The following EHMT1 variants were observed in gnomAD, a reference collection of about 807,000 sequenced individuals.
EHMT1 encodes the protein histone-lysine N-methyltransferase EHMT1.
EHMT1 carries 15 observed loss-of-function variants against 147.2 expected under a neutral mutation model. The ratio of observed to expected loss-of-function variants is 0.10; its 90% CI spans 0.07 to 0.16. EHMT1 has a LOEUF of 0.16. Ranked by LOEUF, EHMT1 falls within the 10% of genes least tolerant of loss-of-function variation. The pLI is 1.00. For synonymous variants in EHMT1, 795 were observed against 709.6 expected (o/e 1.12, Z -1.91); for missense variants, 1,587 against 1,772.4 (o/e 0.90, Z 1.88).
chr9:137,717,378 G>T, intron 3 of EHMT1, 196 bp downstream of exon 3: 3 of 745,720 alleles, frequency 4.0e-6, no homozygotes, highest in Admixed American at 4.5e-5. Flanking sequence ...TGAGGCGGGT[G>T]GATTGCTTGA....
chr9:137,767,272 T>G (rs1056379333), intron 10 of EHMT1, among the ~76,000 whole-genome samples: 2 of 152,208 alleles, frequency 1.3e-5, no homozygotes, highest in Non-Finnish European at 2.9e-5. Flanking sequence ...GCTGCCACCA[T>G]GCCTGGTGGT....
At chr9:137,719,707 C>T (rs922913736) in intron 3 of EHMT1, among the ~76,000 whole-genome samples, 1 of 152,198 alleles carries the variant, frequency 6.6e-6, no homozygotes, top group East Asian at 1.9e-4. Flanking sequence ...TGGTAAAGTC[C>T]GTGGGGCTTA....
chr9:137,650,668 T>C (rs1469715688), intron 1 of EHMT1, among the ~76,000 whole-genome samples: 1 of 137,098 alleles, frequency 7.3e-6, no homozygotes, highest in African/African-American at 2.8e-5. Context: ...ACCCCCCGCT[T>C]TTTTTTTTTT....
At chr9:137,696,437 G>T (rs976707534) in intron 1 of EHMT1, among the ~76,000 whole-genome samples, 1 of 152,142 alleles carries the variant, frequency 6.6e-6, no homozygotes, top group African/African-American at 2.4e-5. Context: ...GGGAGCAAAT[G>T]GCAGATTGGA....
intron 2 of EHMT1, 109 bp downstream of exon 2, chr9:137,711,139 C>T (rs774512935): frequency 8.3e-7 from 1 of 1,199,758 alleles, no homozygotes; most frequent in African/African-American, 1.5e-5. Flanking sequence ...CTTTGCTTCA[C>T]CTAGGTTTAT....
intron 25 of EHMT1, among the ~76,000 whole-genome samples, chr9:137,820,637 C>T (rs372030601): frequency 1.1e-4 from 16 of 152,272 alleles, no homozygotes; most frequent in African/African-American, 3.6e-4. Context: ...GGTTGACAGC[C>T]GTTCTGTGTG....
intron 4 of EHMT1, among the ~76,000 whole-genome samples, chr9:137,741,974 C>A (rs1948124582): frequency 6.6e-6 from 1 of 152,114 alleles, no homozygotes; most frequent in Admixed American, 6.5e-5. Context: ...TTTAGGATTC[C>A]CAGGGCTACC....
At chr9:137,630,709 T>C (rs1843572034) in intron 1 of EHMT1, among the ~76,000 whole-genome samples, 1 of 152,140 alleles carries the variant, frequency 6.6e-6, no homozygotes, top group African/African-American at 2.4e-5. Context: ...TCTTCAGTGT[T>C]TTTGGTAGCT....
chr9:137,832,628 C>G (rs1399249159), intron 25 of EHMT1: 1 of 155,246 alleles, frequency 6.4e-6, no homozygotes, highest in African/African-American at 2.4e-5. Flanking sequence ...GCCTATCTGC[C>G]TTACTCCAGC....
intron 1 of EHMT1, among the ~76,000 whole-genome samples, chr9:137,703,371 T>C (rs1257562207): frequency 3.9e-5 from 6 of 152,182 alleles, no homozygotes; most frequent in Non-Finnish European, 5.9e-5. Context: ...CTGCAAAATT[T>C]CCAAACTTTT....
At chr9:137,712,359 A>C (rs1944820514) in intron 2 of EHMT1, among the ~76,000 whole-genome samples, 1 of 151,684 alleles carries the variant, frequency 6.6e-6, no homozygotes, top group Non-Finnish European at 1.5e-5. Context: ...CGGCCTCTCC[A>C]CCCTGGGGGA....
intron 10 of EHMT1, among the ~76,000 whole-genome samples, chr9:137,770,179 G>A (rs1446371640): frequency 6.6e-6 from 1 of 152,082 alleles, no homozygotes; most frequent in Non-Finnish European, 1.5e-5. Context: ...TTCTTTCTGG[G>A]ATTCCTTGTA....
Position 137,787,986 on chromosome 9 carries a change from G to T in EHMT1, c.2383-2862G>T. On this transcript the variant is annotated intron_variant, in intron 15 of 26. Coordinates refer to ENST00000460843, the MANE Select transcript of EHMT1 (RefSeq NM_024757.5). The surrounding 1 kb of genome is among the most constrained non-coding windows in gnomAD (Gnocchi z 4.2). ...ACTGGACAGCCCCCCAGGAACTGAGGTGCCCTGCAGTAAGTGGAGAGGCCA... is the reference window on the plus strand; with the variant it reads ...ACTGGACAGCCCCCCAGGAACTGAGTTGCCCTGCAGTAAGTGGAGAGGCCA... 6.8e-7 allele frequency: 1 copy of T among 1,472,852 alleles called. No homozygotes were observed. Among genetic ancestry groups the T allele is most frequent in the Non-Finnish European group, 9.4e-7 (1 of 1,061,414 alleles). The allele number at this position is 1,472,852 out of a possible 1,614,324, so 91.2% of individuals were successfully genotyped here.
In EHMT1 at chr9:137,661,850, C is replaced by T. The variant is rs539245401; in HGVS notation, c.21+42801C>T. ...GGAGTTTCCCTCTTGTTGCCCAGGC[C>T]GGAGTGCAATGCTGCAATCTCGGCT... On this transcript the variant is annotated intron_variant, in intron 1 of 26. Transcript: ENST00000460843. Among the ~76,000 whole-genome samples, 21 of 149,916 alleles carry T rather than the reference C, an allele frequency of 1.4e-4. No homozygotes were observed. In the East Asian group the frequency reaches 3.4e-3, roughly 25 times the overall value.
rs188242946 is a variant in EHMT1 at position 137,781,879 on chromosome 9, C to T, written c.2276-412C>T. ...CCTCACTGCTCCGTTGCTCACCGTC[C>T]TCTCAGACCTCCTGGGAATTGACCG... is the stretch of plus-strand genomic sequence containing the variant. On this transcript the variant is annotated intron_variant, in intron 14 of 26. Transcript: ENST00000460843. Among the ~76,000 whole-genome samples the T allele has an allele frequency of 9.8e-5, 15 of 152,352 alleles. No homozygotes were observed. In the East Asian group the frequency reaches 2.9e-3, roughly 29 times the overall value.
chr9:137,802,625 C>T (rs562007990), intron 18 of EHMT1: 62 of 409,798 alleles, frequency 1.5e-4, no homozygotes, highest in South Asian at 5.5e-4. Context: ...ATTGTTGGCA[C>T]GGGGAGGTCT....
At chr9:137,670,823 G>C (rs1940516818) in intron 1 of EHMT1, among the ~76,000 whole-genome samples, 1 of 152,194 alleles carries the variant, frequency 6.6e-6, no homozygotes, top group Non-Finnish European at 1.5e-5. Context: ...AGAAGCCAGA[G>C]CTGCCTTTCC....
chr9:137,746,392 G>T (rs1350013152), intron 6 of EHMT1: 1 of 152,262 alleles, frequency 6.6e-6, no homozygotes, highest in Non-Finnish European at 1.5e-5. Flanking sequence ...TGGGATTACA[G>T]GCGTGAGCCA....
intron 1 of EHMT1, among the ~76,000 whole-genome samples, chr9:137,656,433 A>G (rs543010418): frequency 6.6e-6 from 1 of 152,328 alleles, no homozygotes; most frequent in Admixed American, 6.5e-5. Flanking sequence ...ACTGGAAGGA[A>G]ATGGGAGATT....
Sources: gnomAD v4.1 joint callset for allele counts (sites outside exome capture counted in the v4.1 genomes callset) on GRCh38, gnomAD v4.1.1 for gene constraint, Gnocchi (gnomAD v3.1) non-coding constraint, MANE v1.5 for transcripts, NCBI Gene and HGNC (gene_info 2026-07-23, HGNC 2026-07-21) for gene names.